RCAN2: variants seen among roughly 807,000 people sequenced by gnomAD.
RCAN2 encodes the protein regulator of calcineurin 2.
Under a neutral mutation model 23.6 loss-of-function variants are expected in RCAN2, and 9 were observed. The ratio of observed to expected loss-of-function variants is 0.38; its 90% confidence interval spans 0.23 to 0.67. RCAN2 has a LOEUF of 0.67. Among genes scored for constraint, RCAN2 ranks in the 30% least tolerant of loss-of-function variants. The pLI, the probability that RCAN2 is intolerant of heterozygous loss-of-function variation, is 0.51. For synonymous variants in RCAN2, 109 were observed against 115.7 expected (o/e 0.94, Z 0.37); for missense variants, 273 against 302.3 (o/e 0.90, Z 0.72).
At chr6:46,312,180 T>C (rs1012684615) in intron 2 of RCAN2, among the ~76,000 whole-genome samples, 5 of 152,206 alleles carry the variant, frequency 3.3e-5, no homozygotes, top group African/African-American at 1.2e-4. Flanking sequence ...GGTGCTATGA[T>C]GGCAACAGTT....
chr6:46,491,926 A>T (rs1208019416), upstream of RCAN2: 1 of 152,338 alleles, frequency 6.6e-6, no homozygotes, highest in Non-Finnish European at 1.5e-5. Context: ...GAGCCCCTGG[A>T]TGGTCCTCCC....
At chr6:46,351,627 G>A (rs770719389) in intron 2 of RCAN2, among the ~76,000 whole-genome samples, 14 of 152,030 alleles carry the variant, frequency 9.2e-5, no homozygotes, top group Non-Finnish European at 1.8e-4. Flanking sequence ...CATCAAACTG[G>A]CAAAATAGGC....
At chr6:46,433,563 A>G (rs930762476) in intron 2 of RCAN2, among the ~76,000 whole-genome samples, 1 of 152,206 alleles carries the variant, frequency 6.6e-6, no homozygotes, top group African/African-American at 2.4e-5. Flanking sequence ...AGAGATGGGT[A>G]GTGAAATATT....
rs529473697 is a variant in RCAN2, at chr6:46,445,873, C to T, written c.225+10879G>A. 1.5e-4 allele frequency among the ~76,000 whole-genome samples: 23 copies of T among 151,734 alleles called. 1 individual carries two copies. Among genetic ancestry groups the T allele is most frequent in the South Asian group, 6.3e-4 (3 of 4,792 alleles). Reference sequence around the variant, plus strand: ...GGTTATTTGAAAATATATAGTCAGACGAAAATATTAAAGTGAATGAAAATG... The same window carrying T: ...GGTTATTTGAAAATATATAGTCAGATGAAAATATTAAAGTGAATGAAAATG... On this transcript the variant is annotated intron_variant, in intron 2 of 4. Transcript: ENST00000371374.
chr6:46,311,246 C>A (rs996847522), intron 2 of RCAN2, among the ~76,000 whole-genome samples: 1 of 152,158 alleles, frequency 6.6e-6, no homozygotes, highest in Non-Finnish European at 1.5e-5. Flanking sequence ...CCTGGTTCAG[C>A]CCTCCTTCTG....
intron 2 of RCAN2, among the ~76,000 whole-genome samples, chr6:46,287,156 C>T (rs1355004289): frequency 1.3e-5 from 2 of 152,156 alleles, no homozygotes; most frequent in African/African-American, 2.4e-5. Context: ...CAAAACTTTG[C>T]CTGAAACGGA....
chr6:46,254,567 A>T (rs1308811399), intron 2 of RCAN2, among the ~76,000 whole-genome samples: 1 of 152,192 alleles, frequency 6.6e-6, no homozygotes, highest in Non-Finnish European at 1.5e-5. Flanking sequence ...GAGTTTGGCA[A>T]TGAAAACCAG....
rs373866289 is a variant in RCAN2 at position 46,409,474 on chromosome 6, C to T, written c.225+47278G>A. 4.6e-5 allele frequency among the ~76,000 whole-genome samples: 7 copies of T among 152,332 alleles called. No homozygotes were observed. In the East Asian group the frequency reaches 7.7e-4, roughly 17 times the overall value. ...ATTTCTAATACACAAACTATATATA[C>T]ATACACTAGACTCTCCATGTTCATT... On this transcript the variant is annotated intron_variant, in intron 2 of 4. Transcript: ENST00000371374.
At chr6:46,325,697 A>G in intron 2 of RCAN2, 1 of 1,360,418 alleles carries the variant, frequency 7.4e-7, no homozygotes, top group East Asian at 2.8e-5. Flanking sequence ...GCTCATGGCA[A>G]TGACATCACC....
chr6:46,452,759 C>T (rs535510432), intron 2 of RCAN2, among the ~76,000 whole-genome samples: 4 of 152,266 alleles, frequency 2.6e-5, no homozygotes, highest in South Asian at 4.1e-4. Flanking sequence ...ATGCCAAATG[C>T]TATATAGGTA....
chr6:46,424,912 C>T (rs1387421651), intron 2 of RCAN2, among the ~76,000 whole-genome samples: 1 of 152,132 alleles, frequency 6.6e-6, no homozygotes, highest in African/African-American at 2.4e-5. Context: ...CTGTTATAAG[C>T]CCTGGGCATA....
chr6:46,228,445 A>T (rs1011683605), intron 4 of RCAN2, among the ~76,000 whole-genome samples: 1 of 152,144 alleles, frequency 6.6e-6, no homozygotes, highest in Non-Finnish European at 1.5e-5. Context: ...TTGCTTTATG[A>T]ATCTGGGTGC....
At chr6:46,324,781 C>G (rs754426654) in intron 2 of RCAN2, among the ~76,000 whole-genome samples, 1 of 152,196 alleles carries the variant, frequency 6.6e-6, no homozygotes, top group East Asian at 1.9e-4. Flanking sequence ...CCTTAAGATG[C>G]GAAATATTTA....
intron 1 of RCAN2, among the ~76,000 whole-genome samples, chr6:46,485,645 G>A (rs768327977): frequency 5.9e-5 from 9 of 152,074 alleles, no homozygotes; most frequent in East Asian, 1.9e-4. Flanking sequence ...TGTCACTCAC[G>A]CTTGATGTAA....
chr6:46,293,522 A>G (rs1333730364), intron 2 of RCAN2, among the ~76,000 whole-genome samples: 1 of 152,218 alleles, frequency 6.6e-6, no homozygotes. Context: ...GAAGGACCAG[A>G]ACATATTATA....
At chr6:46,489,505 G>C (rs1769081504) in intron 1 of RCAN2, among the ~76,000 whole-genome samples, 1 of 152,202 alleles carries the variant, frequency 6.6e-6, no homozygotes, top group Non-Finnish European at 1.5e-5. Flanking sequence ...GTCAATGTTA[G>C]TCTCAATAAA....
intron 2 of RCAN2, among the ~76,000 whole-genome samples, chr6:46,444,820 C>T (rs539670441): frequency 6.6e-6 from 1 of 152,150 alleles, no homozygotes; most frequent in South Asian, 2.1e-4. Context: ...ACCCCTTGGA[C>T]CCAGATACCA....
rs143215496 is a variant in RCAN2, at chr6:46,477,242, G to A, written c.-3+13931C>T. 2.5e-3 allele frequency among the ~76,000 whole-genome samples: 385 copies of A among 152,114 alleles called. 3 individuals carry two copies. The highest frequency in any genetic ancestry group is 8.9e-3 in the African/African-American group (369 of 41,484). The stretch of plus-strand genomic sequence containing the variant: ...TTGGTTTCTAACAGCTTATTTACCC[G>A]ACATAAAAAGTGAAAAACAGAAAAG... On this transcript the variant is annotated intron_variant, in intron 1 of 4. Coordinates refer to ENST00000371374, the MANE Select transcript of RCAN2 (RefSeq NM_001251974.2).
At chr6:46,454,570 C>G (rs1767967892) in intron 2 of RCAN2, among the ~76,000 whole-genome samples, 1 of 152,120 alleles carries the variant, frequency 6.6e-6, no homozygotes. Flanking sequence ...AGGTAGGACA[C>G]TTTCTGATTT....
Sources: gnomAD v4.1 joint callset for allele counts (sites outside exome capture counted in the v4.1 genomes callset) on GRCh38, gnomAD v4.1.1 for gene constraint, MANE v1.5 for transcripts, NCBI Gene and HGNC (gene_info 2026-07-23, HGNC 2026-07-21) for gene names.